The following CDC42BPA variants were observed in gnomAD, a reference collection of about 807,000 sequenced individuals.
The protein encoded by CDC42BPA is CDC42 binding protein kinase alpha.
In CDC42BPA, 80 loss-of-function variants were observed where a neutral mutation model predicts 223.5. That is an observed-to-expected ratio of 0.36 (90% CI 0.30 to 0.43). The LOEUF is 0.43. Among genes scored for constraint, CDC42BPA ranks in the 20% least tolerant of loss-of-function variants. The probability of loss-of-function intolerance (pLI) is 1.00; values close to 1 mark genes in which losing one functional copy is unlikely to be tolerated. For synonymous variants in CDC42BPA, 694 were observed against 718.6 expected (o/e 0.97, Z 0.55); for missense variants, 1,743 against 2,099.9 (o/e 0.83, Z 3.32).
intron 3 of CDC42BPA, among the ~76,000 whole-genome samples, chr1:227,209,456 C>T (rs1673463644): frequency 1.4e-5 from 2 of 142,428 alleles, no homozygotes; most frequent in East Asian, 2.1e-4. Flanking sequence ...GGAATGCTTC[C>T]AGCTTTTGTC....
chr1:227,286,029 C>A (rs915804787), intron 1 of CDC42BPA, among the ~76,000 whole-genome samples: 5 of 152,130 alleles, frequency 3.3e-5, no homozygotes, highest in Non-Finnish European at 7.3e-5. Context: ...TTCTGAAATG[C>A]CTTCAGGGCC....
intron 2 of CDC42BPA, among the ~76,000 whole-genome samples, chr1:227,240,167 T>C (rs1031662013): frequency 3.3e-5 from 5 of 152,088 alleles, no homozygotes; most frequent in Non-Finnish European, 7.4e-5. Flanking sequence ...ATTTTAAAGA[T>C]ATCATTTATC....
chr1:227,167,622 G>T (rs966967767), intron 5 of CDC42BPA, among the ~76,000 whole-genome samples: 11 of 151,702 alleles, frequency 7.3e-5, no homozygotes, highest in African/African-American at 2.7e-4. Context: ...GTACCTCAAT[G>T]ATCTTTTCCT....
At chr1:227,143,394 T>C (rs1255775226) in intron 8 of CDC42BPA, among the ~76,000 whole-genome samples, 1 of 152,222 alleles carries the variant, frequency 6.6e-6, no homozygotes, top group Non-Finnish European at 1.5e-5. Context: ...AAATTTGAGA[T>C]GTCCTATGCT....
At chr1:227,185,501 G>A (rs1476906032) in intron 5 of CDC42BPA, among the ~76,000 whole-genome samples, 1 of 152,102 alleles carries the variant, frequency 6.6e-6, no homozygotes, top group African/African-American at 2.4e-5. Context: ...GGGAGGGCCA[G>A]TTTTTTCGCC....
intron 11 of CDC42BPA, among the ~76,000 whole-genome samples, chr1:227,122,555 T>C (rs908997831): frequency 6.6e-6 from 1 of 152,226 alleles, no homozygotes; most frequent in African/African-American, 2.4e-5. Flanking sequence ...ATGGAGTTGT[T>C]AGAGAATATA....
intron 1 of CDC42BPA, among the ~76,000 whole-genome samples, chr1:227,263,124 T>C (rs916094016): frequency 1.3e-5 from 2 of 152,102 alleles, no homozygotes; most frequent in Non-Finnish European, 2.9e-5. Context: ...TCCCAGCTAC[T>C]TGGGAGGCTG....
chr1:227,316,537 C>T (rs2148861359), intron 1 of CDC42BPA, among the ~76,000 whole-genome samples: 1 of 152,272 alleles, frequency 6.6e-6, no homozygotes, highest in South Asian at 2.1e-4. Flanking sequence ...AAATAAAACC[C>T]ACTGATCACC....
At chr1:227,100,777 T>TGTGTGTGTGTGTGCGC (rs777124731) in intron 15 of CDC42BPA, among the ~76,000 whole-genome samples, 41 of 128,602 alleles carry the variant, frequency 3.2e-4, no homozygotes, top group African/African-American at 6.0e-4. Context: ...TGTGTGTGTG[T>TGTGTGTGTGTGTGCGC]GCGTGTGCCA....
chr1:227,317,080 G>A lies in CDC42BPA; in HGVS notation c.103C>T (p.Leu35Phe), dbSNP rs759487297. ...TTGCATTCATCATAAAGGCAGATGA[G>A]TATATCCAGTAATGTCTCCACACTG... ...CFSVETLLDILICLYDECNNS... is the reference protein window; with the variant it reads ...CFSVETLLDIFICLYDECNNS... The change falls in exon 1 of 37, where the codon CTC (leucine) becomes TTC (phenylalanine). Residue 35 changes from leucine to phenylalanine, a missense_variant. By Grantham distance (22) the Leu-to-Phe change is conservative (BLOSUM62 0). Coordinates refer to ENST00000366766, the MANE Select transcript of CDC42BPA (RefSeq NM_001394014.1). 1.9e-6 allele frequency: 3 copies of A among 1,613,488 alleles called. No individual in the cohort carries two copies. Among genetic ancestry groups the A allele is most frequent in the Non-Finnish European group, 1.7e-6 (2 of 1,179,422 alleles).
intron 4 of CDC42BPA, among the ~76,000 whole-genome samples, 198 bp downstream of exon 4, chr1:227,199,359 A>G (rs2150212503): frequency 6.6e-6 from 1 of 152,316 alleles, no homozygotes; most frequent in South Asian, 2.1e-4. Context: ...CTTATTAAAA[A>G]GCATAAAGAA....
intron 1 of CDC42BPA, among the ~76,000 whole-genome samples, chr1:227,311,466 C>T (rs1352247834): frequency 6.6e-6 from 1 of 152,158 alleles, no homozygotes; most frequent in East Asian, 1.9e-4. Flanking sequence ...AAATCCTCAC[C>T]TACATCTACC....
In CDC42BPA at chr1:227,105,356, CTTTTTTT is replaced by C. The variant is rs35065841; in HGVS notation, c.2002-4124_2002-4118del. Among the ~76,000 whole-genome samples, 372 of 91,690 alleles carry C rather than the reference CTTTTTTT, an allele frequency of 4.1e-3. 2 individuals are homozygous for C. Among genetic ancestry groups the C allele is most frequent in the African/African-American group, 0.014 (343 of 23,720 alleles). The allele number at this position is 91,690 out of a possible 152,430, so 60.2% of individuals were successfully genotyped here. A position where few individuals can be genotyped will look rare whatever the true frequency, so the allele number is the denominator to read the frequency against. On this transcript the variant is annotated intron_variant, in intron 14 of 36. Transcript: ENST00000366766. ...TTGTATCTGTGAATTTGCCTATTCT[CTTTTTTT>C]TTTTTTTTTTTTTTTTGAGACAGGG...
intron 32 of CDC42BPA, among the ~76,000 whole-genome samples, chr1:227,018,932 C>T (rs774272806): frequency 4.8e-4 from 73 of 152,270 alleles, no homozygotes; most frequent in Non-Finnish European, 7.2e-4. Context: ...GGTCTTACCT[C>T]GATGTGGATA....
In CDC42BPA at chr1:227,265,846, C is replaced by T. The variant is rs529629334; in HGVS notation, c.179-11691G>A. Among the ~76,000 whole-genome samples the T allele has an allele frequency of 7.2e-5, 11 of 152,090 alleles. No homozygotes were observed. The East Asian group carries it at 2.1e-3, about 29-fold the overall frequency. On this transcript the variant is annotated intron_variant, in intron 1 of 36. Transcript: ENST00000366766. ...AAAAACTGATGGTCCAAAGAAGGTC[C>T]TCGTTTGAACTCTAACACTTATAAG... is the stretch of plus-strand genomic sequence containing the variant.
intron 2 of CDC42BPA, chr1:227,234,664 C>G (rs905094282): frequency 6.6e-6 from 1 of 152,244 alleles, no homozygotes; most frequent in African/African-American, 2.4e-5. Flanking sequence ...CCTATTCTAT[C>G]CACCACGTGA....
intron 12 of CDC42BPA, among the ~76,000 whole-genome samples, chr1:227,114,649 C>T (rs375254888): frequency 2.1e-4 from 32 of 152,022 alleles, no homozygotes; most frequent in Non-Finnish European, 2.9e-4. Context: ...AGAGGTAATA[C>T]AGCTTGAATA....
intron 16 of CDC42BPA, among the ~76,000 whole-genome samples, chr1:227,089,575 G>A (rs11800897): frequency 0.28 from 42,588 of 150,522 alleles, 6,232 homozygotes; most frequent in African/African-American, 0.35. Flanking sequence ...TTGCTCTTAA[G>A]GTGCTACTCA....
At chr1:227,259,974 A>G (rs1289786441) in intron 1 of CDC42BPA, among the ~76,000 whole-genome samples, 1 of 150,620 alleles carries the variant, frequency 6.6e-6, no homozygotes, top group East Asian at 1.9e-4. Context: ...TAATCTTAGC[A>G]GGCATTATTT....
Sources: gnomAD v4.1 joint callset for allele counts (sites outside exome capture counted in the v4.1 genomes callset) on GRCh38, gnomAD v4.1.1 for gene constraint, MANE v1.5 for transcripts, NCBI Gene and HGNC (gene_info 2026-07-23, HGNC 2026-07-21) for gene names.